Variants in STK24 observed in about 807,000 individuals in gnomAD.
STK24 encodes the protein serine/threonine-protein kinase 24.
Under a neutral mutation model 55.6 loss-of-function variants are expected in STK24, and 21 were observed. The ratio of observed to expected loss-of-function variants is 0.38; its 90% CI spans 0.27 to 0.54. The LOEUF is 0.54. STK24 is among the 20% of genes least tolerant of loss of function. The pLI is 0.79. For missense variants in STK24, 383 were observed against 538.4 expected, an observed-to-expected ratio of 0.71 and a Z score of 2.86; for synonymous variants, 200 against 215.2, an observed-to-expected ratio of 0.93 and a Z score of 0.62.
intron 1 of STK24, chr13:98,553,188 G>A (rs1325059104): frequency 6.6e-6 from 1 of 152,248 alleles, no homozygotes; most frequent in African/African-American, 2.4e-5. Flanking sequence ...GAGTCCCTGT[G>A]GGGTGCGTGA....
At chr13:98,531,216 A>G (rs1394504665) in intron 1 of STK24, among the ~76,000 whole-genome samples, 2 of 152,156 alleles carry the variant, frequency 1.3e-5, no homozygotes, top group African/African-American at 4.8e-5. Flanking sequence ...TTTAAAGCTC[A>G]CTCTTTATCA....
At chr13:98,533,171 G>C (rs1201557719) in intron 1 of STK24, among the ~76,000 whole-genome samples, 1 of 152,166 alleles carries the variant, frequency 6.6e-6, no homozygotes, top group South Asian at 2.1e-4. Flanking sequence ...TTGAGGCCAG[G>C]AGTTCAAGAC....
At chr13:98,466,148 G>T (rs781736936) in intron 6 of STK24, among the ~76,000 whole-genome samples, 1 of 152,134 alleles carries the variant, frequency 6.6e-6, no homozygotes, top group South Asian at 2.1e-4. Flanking sequence ...CAGATTCAAT[G>T]AAGTATGAGA....
intron 1 of STK24, among the ~76,000 whole-genome samples, chr13:98,572,696 A>AG (rs199786559): frequency 0.016 from 2,451 of 152,290 alleles, 60 homozygotes; most frequent in African/African-American, 0.055. Flanking sequence ...AAGGGGAACG[A>AG]GGGGGACAGG....
Position 98,463,338 on chromosome 13 carries a change from C to A in STK24, c.929+353G>T, listed in dbSNP as rs112180787. On this transcript the variant is annotated intron_variant, in intron 7 of 10. Transcript: ENST00000539966. ...GAATCACAAACACATGCATTTCTGG[C>A]CTTTCAGACATCCATGTAAAGCAGT... is the stretch of plus-strand genomic sequence containing the variant. 7.9e-3 allele frequency among the ~76,000 whole-genome samples: 1,199 copies of A among 152,280 alleles called. 18 individuals are homozygous for A. Among genetic ancestry groups the A allele is most frequent in the African/African-American group, 0.027 (1,125 of 41,548 alleles).
intron 2 of STK24, among the ~76,000 whole-genome samples, chr13:98,492,114 C>T (rs1451943130): frequency 6.8e-6 from 1 of 146,760 alleles, no homozygotes; most frequent in Non-Finnish European, 1.5e-5. Context: ...TGTGTGTAAA[C>T]AAATCAACAG....
intron 1 of STK24, among the ~76,000 whole-genome samples, chr13:98,571,430 A>C (rs1897736579): frequency 6.6e-6 from 1 of 152,056 alleles, no homozygotes; most frequent in Non-Finnish European, 1.5e-5. Flanking sequence ...ATCTCATCTG[A>C]CCAATTCCTA....
intron 1 of STK24, among the ~76,000 whole-genome samples, chr13:98,523,365 T>C (rs376520054): frequency 2.6e-5 from 4 of 152,324 alleles, no homozygotes; most frequent in African/African-American, 7.2e-5. Flanking sequence ...TGTGGGAGAC[T>C]GTTACAAAAA....
chr13:98,549,858 G>A (rs775869050), intron 1 of STK24, among the ~76,000 whole-genome samples: 10 of 152,104 alleles, frequency 6.6e-5, no homozygotes, highest in Admixed American at 1.3e-4. Flanking sequence ...GCCCCACCTC[G>A]AAACACAATT....
chr13:98,542,458 TA>T (rs1405015601), intron 1 of STK24, among the ~76,000 whole-genome samples: 1 of 152,040 alleles, frequency 6.6e-6, no homozygotes, highest in Non-Finnish European at 1.5e-5. Context: ...TTACTGATGG[TA>T]ACCAGAACAG....
intron 3 of STK24, among the ~76,000 whole-genome samples, chr13:98,479,540 C>T (rs559178090): frequency 2.0e-5 from 3 of 152,306 alleles, no homozygotes; most frequent in Admixed American, 6.5e-5. Flanking sequence ...CTCATCCCAG[C>T]CTTCAAGTCC....
intron 1 of STK24, among the ~76,000 whole-genome samples, chr13:98,566,936 C>T (rs886128610): frequency 6.6e-6 from 1 of 152,196 alleles, no homozygotes; most frequent in African/African-American, 2.4e-5. Flanking sequence ...TTTGAAGTCA[C>T]CACATTGAAC....
chr13:98,468,787 G>A (rs1359567590), intron 5 of STK24, among the ~76,000 whole-genome samples: 3 of 152,174 alleles, frequency 2.0e-5, no homozygotes, highest in African/African-American at 4.8e-5. Context: ...AATCAAATCC[G>A]GGTAGCTGGG....
At chr13:98,515,416 T>C (rs1165951809) in intron 2 of STK24, among the ~76,000 whole-genome samples, 2 of 152,204 alleles carry the variant, frequency 1.3e-5, no homozygotes, top group East Asian at 1.9e-4. Context: ...GCTGGTTTAA[T>C]TTCCCAAAAA....
At chr13:98,493,721 ATTTT>A (rs113613530) in intron 2 of STK24, among the ~76,000 whole-genome samples, 5 of 152,110 alleles carry the variant, frequency 3.3e-5, no homozygotes, top group African/African-American at 7.2e-5. Context: ...AAAAAAAGTG[ATTTT>A]TTATGACTTA....
chr13:98,530,512 A>G (rs765769795), intron 1 of STK24, among the ~76,000 whole-genome samples: 1 of 152,096 alleles, frequency 6.6e-6, no homozygotes, highest in Non-Finnish European at 1.5e-5. Flanking sequence ...TTTTCTGACG[A>G]TTATGTGACT....
At chr13:98,457,142 A>G in intron 10 of STK24, 26 bp downstream of exon 10, 1 of 1,602,652 alleles carries the variant, frequency 6.2e-7, no homozygotes, top group South Asian at 1.1e-5. Context: ...CTCCTTCCCC[A>G]GCCCAGAGGG....
chr13:98,461,892 G>C lies in STK24; in HGVS notation c.935C>G (p.Thr312Arg). Reference sequence around the variant, plus strand: ...ACTGCCCCCCGAGGCTTGGCCATCTGTTTCCCTTAACACAGAAATGCAGGA... The same window carrying C: ...ACTGCCCCCCGAGGCTTGGCCATCTCTTTCCCTTAACACAGAAATGCAGGA... ...DSSSEDSDAETDGQASGGSDS... is the reference protein window; with the variant it reads ...DSSSEDSDAERDGQASGGSDS... Residue 312 changes from threonine (T) to arginine (R), a missense_variant, in exon 8 of 11, where the codon ACA becomes AGA. Physicochemically the swap from Thr to Arg is moderately conservative, Grantham distance 71. Transcript: ENST00000539966. 6.2e-7 allele frequency: 1 copy of C among 1,613,934 alleles called. No individual in the cohort carries two copies. Among genetic ancestry groups the C allele is most frequent in the Non-Finnish European group, 8.5e-7 (1 of 1,179,884 alleles).
At chr13:98,467,871 G>A (rs150319898) in intron 5 of STK24, among the ~76,000 whole-genome samples, 1 of 152,196 alleles carries the variant, frequency 6.6e-6, no homozygotes, top group Non-Finnish European at 1.5e-5. Flanking sequence ...GACAGAGGCC[G>A]ACAATGAGGC....
Sources: allele counts gnomAD v4.1 joint callset (sites outside exome capture counted in the v4.1 genomes callset), GRCh38; gene constraint gnomAD v4.1.1; transcripts MANE v1.5; gene names NCBI Gene and HGNC (gene_info 2026-07-23, HGNC 2026-07-21).